FREM2: variants seen among roughly 807,000 people sequenced by gnomAD.
FREM2 encodes FRAS1 related extracellular matrix 2.
Under a neutral mutation model 219.9 loss-of-function variants are expected in FREM2, and 119 were observed. That is an observed-to-expected ratio of 0.54 (90% confidence interval 0.47 to 0.63). The LOEUF is 0.63. Among genes scored for constraint, FREM2 ranks in the 30% least tolerant of loss-of-function variants. FREM2 has a pLI of 0.00. For synonymous variants in FREM2, 1,562 were observed against 1,522.8 expected, an observed-to-expected ratio of 1.03 and a Z score of -0.60; for missense variants, 4,030 against 3,993.6, an observed-to-expected ratio of 1.01 and a Z score of -0.25.
intron 21 of FREM2, 146 bp downstream of exon 21, chr13:38,877,389 T>A: frequency 1.1e-6 from 1 of 916,306 alleles, no homozygotes; most frequent in Non-Finnish European, 1.8e-6. Flanking sequence ...CTCTGGCTGG[T>A]GTGGGAAGTC....
chr13:38,691,707 A>T lies in FREM2; in HGVS notation c.4363A>T (p.Asn1455Tyr), dbSNP rs1486504896. ...TAGTGACTTGAACAGTCCTGATGAAAACTTGGTTTTTACCATCACCAGGGC... is the reference window on the plus strand; with the variant it reads ...TAGTGACTTGAACAGTCCTGATGAATACTTGGTTTTTACCATCACCAGGGC... ...STSDLNSPDE[N>Y]LVFTITRAPM... is the part of the protein sequence containing the mutation. The change falls in exon 1 of 24, where the codon AAC becomes TAC. Residue 1455 changes from asparagine to tyrosine, a missense_variant. Transcript: ENST00000280481. 2 of 1,613,704 alleles carry T rather than the reference A, an allele frequency of 1.2e-6. No homozygotes were observed. The highest frequency in any genetic ancestry group is 2.2e-5 in the South Asian group (2 of 91,064).
intron 4 of FREM2, among the ~76,000 whole-genome samples, chr13:38,771,246 T>C (rs74634637): frequency 0.014 from 2,201 of 152,354 alleles, 72 homozygotes; most frequent in African/African-American, 0.051. Flanking sequence ...TAATTGTATC[T>C]GCATTATCCA....
chr13:38,758,504 A>C (rs770725869), intron 2 of FREM2, among the ~76,000 whole-genome samples: 4 of 152,088 alleles, frequency 2.6e-5, no homozygotes, highest in Non-Finnish European at 5.9e-5. Flanking sequence ...TAGTTTGTGC[A>C]CATTATCTAG....
intron 6 of FREM2, among the ~76,000 whole-genome samples, chr13:38,789,870 T>C (rs1270867440): frequency 1.3e-5 from 2 of 151,674 alleles, no homozygotes; most frequent in Non-Finnish European, 2.9e-5. Flanking sequence ...ATTGAAGATC[T>C]AAGGTCCAGA....
intron 2 of FREM2, among the ~76,000 whole-genome samples, chr13:38,728,792 A>G (rs1871643070): frequency 6.6e-6 from 1 of 152,110 alleles, no homozygotes. Context: ...TTCATAGTCA[A>G]ATATGTTGGG....
chr13:38,709,247 G>A (rs1870664176), intron 2 of FREM2, among the ~76,000 whole-genome samples: 1 of 152,076 alleles, frequency 6.6e-6, no homozygotes, highest in Non-Finnish European at 1.5e-5. Context: ...AGTAGAGATG[G>A]CACATTTTCT....
chr13:38,694,975 T>A (rs1234293800), intron 1 of FREM2, among the ~76,000 whole-genome samples: 1 of 152,212 alleles, frequency 6.6e-6, no homozygotes, highest in Non-Finnish European at 1.5e-5. Context: ...GCCTGATATG[T>A]TAATGAACTT....
chr13:38,771,792 C>T (rs1485954976), intron 4 of FREM2, among the ~76,000 whole-genome samples: 2 of 152,154 alleles, frequency 1.3e-5, no homozygotes, highest in Non-Finnish European at 1.5e-5. Flanking sequence ...TGAAACCCAA[C>T]TCTATTTCTA....
intron 2 of FREM2, among the ~76,000 whole-genome samples, chr13:38,716,846 G>A (rs1871023214): frequency 2.6e-5 from 4 of 152,116 alleles, no homozygotes; most frequent in Admixed American, 2.6e-4. Flanking sequence ...ATGTGCACAG[G>A]CACACACACT....
Position 38,719,141 on chromosome 13 carries a change from G to A in FREM2, c.5263+21354G>A, listed in dbSNP as rs1453096505. On this transcript the variant is annotated intron_variant, in intron 2 of 23. Coordinates refer to ENST00000280481, the MANE Select transcript of FREM2 (RefSeq NM_207361.6). The stretch of plus-strand genomic sequence containing the variant: ...CCGAAGAGGAGAATCTGTTTTCTTG[G>A]CTTTCCCAGCTCTTAGAGGCTGGCC... 2.6e-4 allele frequency among the ~76,000 whole-genome samples: 39 copies of A among 152,166 alleles called. 1 individual carries two copies. Among genetic ancestry groups the A allele is most frequent in the Admixed American group, 2.4e-3 (36 of 15,274 alleles).
chr13:38,790,069 T>C (rs562192668), intron 6 of FREM2, among the ~76,000 whole-genome samples: 1 of 152,286 alleles, frequency 6.6e-6, no homozygotes, highest in African/African-American at 2.4e-5. Context: ...CTATGTTATG[T>C]TTTCTTTTTT....
intron 6 of FREM2, among the ~76,000 whole-genome samples, chr13:38,834,633 G>A (rs1157033388): frequency 6.6e-6 from 1 of 152,118 alleles, no homozygotes; most frequent in Non-Finnish European, 1.5e-5. Context: ...ACTTTTTAAT[G>A]ATCGCCATTC....
At chr13:38,716,334 A>C (rs555614054) in intron 2 of FREM2, among the ~76,000 whole-genome samples, 1 of 152,202 alleles carries the variant, frequency 6.6e-6, no homozygotes, top group East Asian at 1.9e-4. Context: ...ACTTATGCAA[A>C]ATTCGAATCA....
Position 38,884,255 on chromosome 13 carries a change from A to G in FREM2, c.*3468A>G, listed in dbSNP as rs1412177945. The G allele has an allele frequency of 1.3e-5, 2 of 152,196 alleles. No individual in the cohort carries two copies. The highest frequency in any genetic ancestry group is 2.9e-5 in the Non-Finnish European group (2 of 68,034). The allele number at this position is 152,196 out of a possible 1,614,324, so 9.4% of individuals were successfully genotyped here. On this transcript the variant is annotated 3_prime_UTR_variant, in exon 24 of 24. Transcript: ENST00000280481. ...TCTTTATCAAGTCATCTTACCTCTA[A>G]TTCTTTTCCAGTGTGCCAACTCCAA...
intron 16 of FREM2, among the ~76,000 whole-genome samples, chr13:38,868,272 A>G (rs530161906): frequency 1.3e-5 from 2 of 152,250 alleles, no homozygotes; most frequent in Non-Finnish European, 2.9e-5. Context: ...TAATAATAGT[A>G]CTAACAATAA....
chr13:38,857,897 T>C lies in FREM2; in HGVS notation c.7079T>C (p.Ile2360Thr), dbSNP rs1318473771. The C allele has an allele frequency of 6.2e-7, 1 of 1,613,688 alleles. No individual in the cohort carries two copies. Among genetic ancestry groups the C allele is most frequent in the Non-Finnish European group, 8.5e-7 (1 of 1,179,698 alleles). ...TAGTTGACGAAAGCCATTGTGTACATAGAAGAAATGAGCAGCATGGCAGAT... is the reference window on the plus strand; with the variant it reads ...TAGTTGACGAAAGCCATTGTGTACACAGAAGAAATGAGCAGCATGGCAGAT... Reference protein sequence around the residue: ...EMQLTKAIVYIEEMSSMADVT... With the variant: ...EMQLTKAIVYTEEMSSMADVT... Residue 2360 changes from isoleucine (I) to threonine (T), a missense_variant, in exon 13 of 24, where the codon ATA becomes ACA. Physicochemically the swap from Ile to Thr is moderately conservative, Grantham distance 89. Around this residue, in one of 2 missense-constraint regions of FREM2, gnomAD observed 928 missense variants for 1,042.9 expected, o/e 0.89. Coordinates refer to ENST00000280481, the MANE Select transcript of FREM2 (RefSeq NM_207361.6).
intron 4 of FREM2, among the ~76,000 whole-genome samples, chr13:38,777,728 T>A (rs1022998444): frequency 6.6e-6 from 1 of 152,172 alleles, no homozygotes; most frequent in Non-Finnish European, 1.5e-5. Flanking sequence ...ACACTTCCAT[T>A]GTATTTATAA....
At chr13:38,707,385 A>AT (rs1383540537) in intron 2 of FREM2, among the ~76,000 whole-genome samples, 1 of 152,118 alleles carries the variant, frequency 6.6e-6, no homozygotes, top group South Asian at 2.1e-4. Flanking sequence ...AACTTAGAAC[A>AT]TTTTTTTCTG....
chr13:38,866,499 A>T (rs934144458), intron 16 of FREM2, among the ~76,000 whole-genome samples: 5 of 151,800 alleles, frequency 3.3e-5, no homozygotes, highest in African/African-American at 1.2e-4. Context: ...CTCTGTCAAA[A>T]AAAATAAAAT....
Sources: gnomAD v4.1 joint callset for allele counts (sites outside exome capture counted in the v4.1 genomes callset) on GRCh38, gnomAD v4.1.1 for gene constraint, gnomAD v4.1.1 regional missense constraint, MANE v1.5 for transcripts, NCBI Gene and HGNC (gene_info 2026-07-23, HGNC 2026-07-21) for gene names.